GPM6A: variants seen among roughly 807,000 people sequenced by gnomAD.
GPM6A encodes neuronal membrane glycoprotein M6-a.
Under a neutral mutation model 32.1 loss-of-function variants are expected in GPM6A, and 7 were observed. That is an observed-to-expected ratio of 0.22 (90% CI 0.12 to 0.41). GPM6A has a LOEUF of 0.41. GPM6A is among the 10% of genes least tolerant of loss of function. The pLI, the probability that GPM6A is intolerant of heterozygous loss-of-function variation, is 1.00. For missense variants in GPM6A, 235 were observed against 347.2 expected, an observed-to-expected ratio of 0.68 and a Z score of 2.57; for synonymous variants, 130 against 123.4, an observed-to-expected ratio of 1.05 and a Z score of -0.35.
intron 3 of GPM6A, among the ~76,000 whole-genome samples, chr4:175,671,728 A>G (rs1177790152): frequency 6.6e-6 from 1 of 152,080 alleles, no homozygotes; most frequent in Non-Finnish European, 1.5e-5. Flanking sequence ...TCGTGAAGGC[A>G]GTGTTGGGAC....
At chr4:175,682,918 T>C (rs980982595) in intron 2 of GPM6A, among the ~76,000 whole-genome samples, 2 of 152,224 alleles carry the variant, frequency 1.3e-5, no homozygotes, top group Admixed American at 1.3e-4. Context: ...GAAAAAGAGT[T>C]TGGAGCTCCC....
intron 1 of GPM6A, among the ~76,000 whole-genome samples, chr4:175,850,037 C>T (rs558191272): frequency 6.6e-6 from 1 of 152,116 alleles, no homozygotes; most frequent in Non-Finnish European, 1.5e-5. Flanking sequence ...TTGACATCCA[C>T]CCTCATGTGC....
intron 1 of GPM6A, among the ~76,000 whole-genome samples, chr4:175,746,354 T>C (rs1406916162): frequency 1.3e-5 from 2 of 152,238 alleles, no homozygotes; most frequent in African/African-American, 2.4e-5. Context: ...TTAACAGTTA[T>C]GATGTTAACT....
intron 1 of GPM6A, among the ~76,000 whole-genome samples, chr4:175,916,458 T>C (rs1156613635): frequency 6.6e-6 from 1 of 152,218 alleles, no homozygotes; most frequent in African/African-American, 2.4e-5. Flanking sequence ...TTTAGAATTT[T>C]GGTTTTTCTT....
At chr4:175,794,323 T>G (rs1734129876) in intron 1 of GPM6A, among the ~76,000 whole-genome samples, 1 of 152,232 alleles carries the variant, frequency 6.6e-6, no homozygotes, top group Non-Finnish European at 1.5e-5. Context: ...TTCATATAAT[T>G]TCTTTAGATT....
At chr4:175,792,275 A>T (rs1356002950) in intron 1 of GPM6A, among the ~76,000 whole-genome samples, 2 of 152,182 alleles carry the variant, frequency 1.3e-5, no homozygotes, top group Non-Finnish European at 2.9e-5. Context: ...GCCAATAAAA[A>T]GTTAAGTCAA....
intron 1 of GPM6A, among the ~76,000 whole-genome samples, chr4:175,992,425 T>C (rs1176554087): frequency 2.6e-5 from 4 of 152,176 alleles, no homozygotes; most frequent in South Asian, 2.1e-4. Context: ...CACAGAAGAA[T>C]TACTAACAAG....
chr4:175,858,510 C>T (rs7687230), intron 1 of GPM6A, among the ~76,000 whole-genome samples: 46,886 of 148,418 alleles, frequency 0.32, 7,618 homozygotes, highest in Middle Eastern at 0.42. Context: ...CCAGCCTGGG[C>T]GACAGAGAGA....
intron 1 of GPM6A, among the ~76,000 whole-genome samples, chr4:175,858,109 A>T (rs62336149): frequency 0.13 from 19,837 of 152,220 alleles, 1,634 homozygotes; most frequent in Admixed American, 0.2. Flanking sequence ...TCGGCCAAAG[A>T]TTTAAGCAAA....
At chr4:175,826,968 G>A (rs369807070) in intron 1 of GPM6A, among the ~76,000 whole-genome samples, 45 of 152,238 alleles carry the variant, frequency 3.0e-4, no homozygotes, top group Admixed American at 1.0e-3. Flanking sequence ...AATACAGAAT[G>A]AATTTAACAC....
At chr4:175,858,431 CTG>C (rs1347879414) in intron 1 of GPM6A, among the ~76,000 whole-genome samples, 1 of 151,566 alleles carries the variant, frequency 6.6e-6, no homozygotes, top group Admixed American at 6.6e-5. Flanking sequence ...ACTCGGGAGG[CTG>C]AGGCAGGATA....
intron 2 of GPM6A, among the ~76,000 whole-genome samples, chr4:175,675,283 G>T (rs1348561431): frequency 2.0e-5 from 3 of 151,144 alleles, no homozygotes; most frequent in African/African-American, 7.3e-5. Context: ...TGATCAGTGA[G>T]CTTTTATATT....
chr4:175,763,587 AG>A (rs1231403166), intron 1 of GPM6A, among the ~76,000 whole-genome samples: 1 of 152,172 alleles, frequency 6.6e-6, no homozygotes, highest in African/African-American at 2.4e-5. Flanking sequence ...CAGTTTATCT[AG>A]GGAAAAATGC....
intron 1 of GPM6A, among the ~76,000 whole-genome samples, chr4:175,722,565 A>T (rs1382191845): frequency 6.6e-6 from 1 of 151,838 alleles, no homozygotes; most frequent in Non-Finnish European, 1.5e-5. Context: ...CCTTTTTCAC[A>T]CCTATACTGG....
chr4:175,891,267 T>C (rs943027614), intron 1 of GPM6A, among the ~76,000 whole-genome samples: 3 of 152,260 alleles, frequency 2.0e-5, no homozygotes, highest in Admixed American at 2.0e-4. Context: ...TTCTTCTCTC[T>C]ACTGAATGTC....
In GPM6A at chr4:175,830,915, G is replaced by A. The variant is rs370653948; in HGVS notation, c.-22-18666C>T. Among the ~76,000 whole-genome samples, 7 of 151,914 alleles carry A rather than the reference G, an allele frequency of 4.6e-5. No homozygotes were observed. The East Asian group carries it at 1.2e-3, about 25-fold the overall frequency. On this transcript the variant is annotated intron_variant, in intron 1 of 7. Coordinates refer to the GPM6A transcript ENST00000280187. ...ACTGGGTTGGGGAAAAAAAAAGGAA[G>A]TGGAACAACTTTGATTTAATTGGAC...
chr4:175,895,416 A>T (rs1397419236), intron 1 of GPM6A, among the ~76,000 whole-genome samples: 1 of 152,212 alleles, frequency 6.6e-6, no homozygotes, highest in Non-Finnish European at 1.5e-5. Flanking sequence ...ATGGTGAATA[A>T]GTTAACTTTT....
chr4:175,925,799 T>C (rs1459262343), intron 1 of GPM6A, among the ~76,000 whole-genome samples: 1 of 151,978 alleles, frequency 6.6e-6, no homozygotes, highest in African/African-American at 2.4e-5. Flanking sequence ...AATTTACAAA[T>C]GTGTATGTGT....
chr4:175,879,468 T>A (rs2111454280), intron 1 of GPM6A, among the ~76,000 whole-genome samples: 1 of 152,242 alleles, frequency 6.6e-6, no homozygotes, highest in South Asian at 2.1e-4. Context: ...GGTAGCTAAC[T>A]CTTCACAGGG....
Sources: allele counts gnomAD v4.1 joint callset (sites outside exome capture counted in the v4.1 genomes callset), GRCh38; gene constraint gnomAD v4.1.1; transcripts MANE v1.5; gene names NCBI Gene and HGNC (gene_info 2026-07-23, HGNC 2026-07-21).